RNF111: variants seen among roughly 807,000 people sequenced by gnomAD.
The protein encoded by RNF111 is E3 ubiquitin-protein ligase Arkadia.
In RNF111, 17 loss-of-function variants were observed where a neutral mutation model predicts 95.1. That is an observed-to-expected ratio of 0.18 (90% CI 0.12 to 0.27). The LOEUF is 0.27. Ranked by LOEUF, RNF111 falls within the 10% of genes least tolerant of loss-of-function variation. The pLI, the probability that RNF111 is intolerant of heterozygous loss-of-function variation, is 1.00. For synonymous variants in RNF111, 440 were observed against 414.8 expected (o/e 1.06, Z -0.74); for missense variants, 1,189 against 1,210.4 (o/e 0.98, Z 0.26).
chr15:59,076,203 A>G lies in RNF111; in HGVS notation c.1936A>G (p.Met646Val), dbSNP rs777435853. 3 of 1,613,118 alleles carry G rather than the reference A, an allele frequency of 1.9e-6. No homozygotes were observed. The African/African-American group carries it at 4.0e-5, about 22-fold the overall frequency. ...CTCTCTCTCATCATGTCGACATTAC[A>G]TGCCACCCCCTTGTAAGTATATACT... is the stretch of plus-strand genomic sequence containing the variant. ...QPSLSSCRHY[M>V]PPPYASLTRP... is the part of the protein sequence containing the mutation. Residue 646 changes from methionine (M) to valine (V), a missense_variant, in exon 7 of 14, where the codon ATG (methionine) becomes GTG (valine). Met to Val is a conservative substitution (Grantham distance 21, BLOSUM62 1). Transcript: ENST00000348370.
At chr15:59,051,394 C>CT (rs2041974074) in intron 2 of RNF111, among the ~76,000 whole-genome samples, 1 of 146,298 alleles carries the variant, frequency 6.8e-6, no homozygotes, top group South Asian at 2.1e-4. Context: ...GGAGGCGGAG[C>CT]TTGCAGTGAG....
intron 6 of RNF111, among the ~76,000 whole-genome samples, chr15:59,071,706 T>TA (rs1445281251): frequency 6.7e-6 from 1 of 149,360 alleles, no homozygotes; most frequent in Non-Finnish European, 1.5e-5. Flanking sequence ...AAAAAAAAAA[T>TA]AAAGTTTTTG....
Position 59,096,641 on chromosome 15 carries a change from G to A in RNF111, c.*1741G>A, listed in dbSNP as rs2079180478. On this transcript the variant is annotated 3_prime_UTR_variant, in exon 14 of 14. Coordinates refer to ENST00000348370, the MANE Select transcript of RNF111 (RefSeq NM_017610.8). The stretch of plus-strand genomic sequence containing the variant: ...CTTCAACATAGTATGTGTGCAGATG[G>A]ACGATGGATTTAAAGAGCATACCTT... The A allele has an allele frequency of 6.6e-6, 1 of 152,226 alleles. No individual in the cohort carries two copies. Among genetic ancestry groups the A allele is most frequent in the African/African-American group, 2.4e-5 (1 of 41,414 alleles). 9.4% of individuals were successfully genotyped at this position (152,226 alleles called of 1,614,324 possible).
intron 13 of RNF111, among the ~76,000 whole-genome samples, chr15:59,094,416 C>G (rs984683710): frequency 1.3e-5 from 2 of 152,074 alleles, no homozygotes; most frequent in African/African-American, 4.8e-5. Flanking sequence ...AAGGGCATTA[C>G]AAATACAGTG....
chr15:59,061,405 C>T (rs1419704236), intron 5 of RNF111, among the ~76,000 whole-genome samples: 8 of 152,168 alleles, frequency 5.3e-5, no homozygotes, highest in Admixed American at 3.3e-4. Context: ...TTTATGGTTT[C>T]GAATCCTGGG....
At chr15:59,053,371 C>A (rs1309566636) in intron 3 of RNF111, among the ~76,000 whole-genome samples, 1 of 152,122 alleles carries the variant, frequency 6.6e-6, no homozygotes, top group Non-Finnish European at 1.5e-5. Context: ...ATTTGATACA[C>A]CCAACTAATA....
chr15:59,027,085 A>G (rs1426296852), intron 1 of RNF111, among the ~76,000 whole-genome samples: 1 of 152,232 alleles, frequency 6.6e-6, no homozygotes, highest in African/African-American at 2.4e-5. Context: ...TTGTAAATTA[A>G]TGTATGGCTG....
intron 2 of RNF111, 33 bp downstream of exon 2, chr15:59,031,735 C>G: frequency 1.3e-6 from 2 of 1,572,500 alleles, no homozygotes; most frequent in Non-Finnish European, 1.7e-6. Context: ...AAACATGGAA[C>G]CTATTGCATT....
chr15:59,092,425 G>C (rs1010082705), intron 12 of RNF111, 112 bp from the exon 13 acceptor site: 17 of 1,133,448 alleles, frequency 1.5e-5, no homozygotes, highest in Middle Eastern at 2.1e-4. Flanking sequence ...AAAAAAGTGC[G>C]GGTGAATATG....
chr15:59,045,328 C>G (rs1206947468), intron 2 of RNF111, among the ~76,000 whole-genome samples: 1 of 151,836 alleles, frequency 6.6e-6, no homozygotes, highest in Non-Finnish European at 1.5e-5. Flanking sequence ...GTAGCTGGGA[C>G]TACAGGCACC....
intron 2 of RNF111, among the ~76,000 whole-genome samples, chr15:59,037,331 T>C (rs1182001262): frequency 1.3e-5 from 2 of 152,212 alleles, no homozygotes; most frequent in East Asian, 3.8e-4. Context: ...TTATACATTC[T>C]GTTTTGTTAC....
Position 59,091,045 on chromosome 15 carries a change from T to C in RNF111, c.2644-14T>C, listed in dbSNP as rs767836408. 2.0e-6 allele frequency: 3 copies of C among 1,529,142 alleles called. No homozygotes were observed. The highest frequency in any genetic ancestry group is 1.7e-4 in the Middle Eastern group (1 of 5,876). The allele number at this position is 1,529,142 out of a possible 1,614,324, so 94.7% of individuals were successfully genotyped here. On this transcript the variant is annotated splice_polypyrimidine_tract_variant and intron_variant, in intron 11 of 13. Transcript: ENST00000348370. ...ATCTTGGCTTTTACCAGTCATTATATTCTTCACTTTCAGGAACTGATTCAT... is the reference window on the plus strand; with the variant it reads ...ATCTTGGCTTTTACCAGTCATTATACTCTTCACTTTCAGGAACTGATTCAT...
In RNF111 at chr15:59,094,772, G is replaced by T; in HGVS notation, c.2844-11G>T. 6.7e-7 allele frequency: 1 copy of T among 1,500,518 alleles called. No individual in the cohort carries two copies. Among genetic ancestry groups the T allele is most frequent in the Non-Finnish European group, 9.3e-7 (1 of 1,077,526 alleles). 93.0% of individuals were successfully genotyped at this position (1,500,518 alleles called of 1,614,324 possible). On this transcript the variant is annotated splice_polypyrimidine_tract_variant and intron_variant, in intron 13 of 13. Transcript: ENST00000348370. ...ATTAATTTTTGCTTTTTGTTTTCTT[G>T]CCAATAATAGACGTCTTCCATGTAT... is the stretch of plus-strand genomic sequence containing the variant.
chr15:59,061,818 G>T (rs2042449743), intron 5 of RNF111, among the ~76,000 whole-genome samples: 1 of 151,986 alleles, frequency 6.6e-6, no homozygotes, highest in Non-Finnish European at 1.5e-5. Flanking sequence ...GTGTATTTTT[G>T]TCACACTAAA....
chr15:59,044,343 CTTA>C (rs2041610101), intron 2 of RNF111, among the ~76,000 whole-genome samples: 1 of 152,110 alleles, frequency 6.6e-6, no homozygotes, highest in Non-Finnish European at 1.5e-5. Flanking sequence ...GGAAACTCTT[CTTA>C]TTGTTAGCAT....
intron 1 of RNF111, among the ~76,000 whole-genome samples, chr15:59,007,791 G>A (rs1460073459): frequency 6.6e-6 from 1 of 151,922 alleles, no homozygotes; most frequent in African/African-American, 2.4e-5. Flanking sequence ...TTACTTATTG[G>A]GTATTTTTGT....
At chr15:59,090,665 C>T (rs2079027903) in intron 11 of RNF111, among the ~76,000 whole-genome samples, 1 of 152,126 alleles carries the variant, frequency 6.6e-6, no homozygotes, top group Non-Finnish European at 1.5e-5. Flanking sequence ...TACATAGTAC[C>T]ATGTGATAAT....
At chr15:59,055,580 T>G in intron 3 of RNF111, 102 bp from the exon 4 acceptor site, 1 of 874,752 alleles carries the variant, frequency 1.1e-6, no homozygotes, top group Non-Finnish European at 1.7e-6. Context: ...GGAGAAATCT[T>G]GTATGAAAAA....
chr15:59,085,068 A>G (rs2078858880), intron 9 of RNF111, among the ~76,000 whole-genome samples: 1 of 152,220 alleles, frequency 6.6e-6, no homozygotes, highest in Non-Finnish European at 1.5e-5. Flanking sequence ...TTTTCATTAG[A>G]TTAATTTTCT....
Sources: gnomAD v4.1 joint callset for allele counts (sites outside exome capture counted in the v4.1 genomes callset) on GRCh38, gnomAD v4.1.1 for gene constraint, MANE v1.5 for transcripts, NCBI Gene and HGNC (gene_info 2026-07-23, HGNC 2026-07-21) for gene names.